Variants in TASP1 observed in about 807,000 individuals in gnomAD.
The protein encoded by TASP1 is threonine aspartase 1.
TASP1 carries 16 observed loss-of-function variants against 56.6 expected under a neutral mutation model. That is an observed-to-expected ratio of 0.28 (90% CI 0.19 to 0.43). The LOEUF is 0.43. Ranked by LOEUF, TASP1 falls within the 20% of genes least tolerant of loss-of-function variation. TASP1 has a pLI of 1.00. For synonymous variants in TASP1, 179 were observed against 184.2 expected (o/e 0.97, Z 0.23); for missense variants, 393 against 511.6 (o/e 0.77, Z 2.24).
chr20:13,361,106 A>T, the TASP1 span, among the ~76,000 whole-genome samples: 1 of 151,736 alleles, frequency 6.6e-6, no homozygotes, highest in African/African-American at 2.4e-5. Context: ...CTCAGGGATT[A>T]TTCAGGCCCC....
At chr20:13,323,011 A>G in the TASP1 span, among the ~76,000 whole-genome samples, 1 of 152,170 alleles carries the variant, frequency 6.6e-6, no homozygotes, top group Non-Finnish European at 1.5e-5. Flanking sequence ...AGAAAACGCC[A>G]CAGTCCTTCC....
chr20:13,295,863 G>A, the TASP1 span, among the ~76,000 whole-genome samples: 3 of 152,294 alleles, frequency 2.0e-5, no homozygotes, highest in East Asian at 3.9e-4. Flanking sequence ...AGATCCAAAG[G>A]TGCAACCTGG....
intron 11 of TASP1, among the ~76,000 whole-genome samples, chr20:13,472,689 G>C (rs6074611): frequency 0.44 from 65,666 of 150,600 alleles, 15,591 homozygotes; most frequent in Non-Finnish European, 0.45. Context: ...TGAACAGACA[G>C]TTTTCAAAAG....
intron 4 of TASP1, among the ~76,000 whole-genome samples, chr20:13,594,627 T>C (rs1293842540): frequency 1.3e-5 from 2 of 152,070 alleles, no homozygotes; most frequent in Non-Finnish European, 2.9e-5. Context: ...AGGATATCAG[T>C]GATTGAAGAT....
chr20:13,214,548 CACACACACACACACAGAGAG>C, the TASP1 span, among the ~76,000 whole-genome samples: 7 of 135,630 alleles, frequency 5.2e-5, no homozygotes, highest in Non-Finnish European at 7.8e-5. Flanking sequence ...CACACACACA[CACACACACACACACAGAGAG>C]AGAGAGAGAG....
the TASP1 span, among the ~76,000 whole-genome samples, chr20:13,290,102 G>A: frequency 6.6e-5 from 10 of 152,166 alleles, no homozygotes; most frequent in South Asian, 2.1e-4. Flanking sequence ...AAGAAGTGGC[G>A]GTTCTGGCTC....
the TASP1 span, among the ~76,000 whole-genome samples, chr20:13,311,246 TA>T: frequency 8.6e-3 from 913 of 106,700 alleles, 3 homozygotes; most frequent in African/African-American, 0.025. Context: ...AGATAGATGA[TA>T]GATAGATAGA....
the TASP1 span, chr20:13,110,314 C>T: frequency 7.1e-5 from 73 of 1,032,360 alleles, no homozygotes; most frequent in South Asian, 1.1e-3. Flanking sequence ...AGAGAAATGA[C>T]TTAGAATTGG....
the TASP1 span, among the ~76,000 whole-genome samples, chr20:13,139,228 T>A: frequency 6.6e-6 from 1 of 152,108 alleles, no homozygotes; most frequent in Non-Finnish European, 1.5e-5. Flanking sequence ...CACAGAAAAA[T>A]TTGGGTTTCT....
At position 13,389,739 on chromosome 20, in the gene TASP1, CATTA is replaced by C. The variant is rs766607396; in HGVS notation, c.*617_*620del. 1 of 152,736 alleles carries C rather than the reference CATTA, an allele frequency of 6.5e-6. No individual in the cohort carries two copies. The highest frequency in any genetic ancestry group is 1.5e-5 in the Non-Finnish European group (1 of 68,292). The allele number at this position is 152,736 out of a possible 1,614,324, so 9.5% of individuals were successfully genotyped here. On this transcript the variant is annotated 3_prime_UTR_variant, in exon 14 of 14. Coordinates refer to ENST00000337743, the MANE Select transcript of TASP1 (RefSeq NM_017714.3). ...AGACTATTATTTAAAAAGGTTCTGACATTAATTCTCTGCTAGATTGTTTCACTGA... is the reference window on the plus strand; with the variant it reads ...AGACTATTATTTAAAAAGGTTCTGACATTCTCTGCTAGATTGTTTCACTGA...
rs1417698359 is a variant in TASP1, at chr20:13,560,152, A to C, written c.569-1038T>G. ...AACAGCCAATTAGATCCAGCTGATAAGAGAAATTACAAACTGGAACATAAC... is the reference window on the plus strand; with the variant it reads ...AACAGCCAATTAGATCCAGCTGATACGAGAAATTACAAACTGGAACATAAC... On this transcript the variant is annotated intron_variant, in intron 7 of 13. Transcript: ENST00000337743. Among the ~76,000 whole-genome samples, 3 of 152,234 alleles carry C rather than the reference A, an allele frequency of 2.0e-5. No individual in the cohort carries two copies. In the East Asian group the frequency reaches 5.8e-4, roughly 29 times the overall value.
chr20:13,175,764 C>T, the TASP1 span, among the ~76,000 whole-genome samples: 1 of 152,186 alleles, frequency 6.6e-6, no homozygotes, highest in South Asian at 2.1e-4. Flanking sequence ...TCTGAAAGGT[C>T]ATATTCTTCC....
intron 13 of TASP1, among the ~76,000 whole-genome samples, chr20:13,395,219 T>C (rs959633062): frequency 3.9e-5 from 6 of 152,236 alleles, no homozygotes; most frequent in African/African-American, 1.2e-4. Flanking sequence ...AGTGCTGCAT[T>C]AATAACATTC....
the TASP1 span, among the ~76,000 whole-genome samples, chr20:13,178,389 C>T: frequency 6.6e-6 from 1 of 152,060 alleles, no homozygotes. Context: ...TAAAAGGAAT[C>T]CCACTACTAG....
chr20:13,516,802 T>C (rs1028663656), intron 10 of TASP1, among the ~76,000 whole-genome samples: 1 of 152,030 alleles, frequency 6.6e-6, no homozygotes, highest in Non-Finnish European at 1.5e-5. Flanking sequence ...AAAGTGCATC[T>C]TGGGGATCAC....
At chr20:13,423,248 A>T (rs2042508028) in intron 12 of TASP1, among the ~76,000 whole-genome samples, 1 of 152,184 alleles carries the variant, frequency 6.6e-6, no homozygotes, top group African/African-American at 2.4e-5. Context: ...TTTTGATCAC[A>T]AGCCACAGTA....
the TASP1 span, among the ~76,000 whole-genome samples, chr20:13,229,351 A>G: frequency 6.6e-6 from 1 of 152,198 alleles, no homozygotes; most frequent in East Asian, 1.9e-4. Flanking sequence ...TCCAGAGGCA[A>G]CCAATTTCTG....
chr20:13,427,269 T>C (rs1290708689), intron 12 of TASP1, among the ~76,000 whole-genome samples: 2 of 152,222 alleles, frequency 1.3e-5, no homozygotes, highest in Non-Finnish European at 2.9e-5. Flanking sequence ...AAGCATCAAT[T>C]CAATTTAACA....
At chr20:13,357,995 C>T in the TASP1 span, among the ~76,000 whole-genome samples, 1 of 152,280 alleles carries the variant, frequency 6.6e-6, no homozygotes, top group Non-Finnish European at 1.5e-5. Flanking sequence ...CCCTGCCGCA[C>T]CTTAACTGAT....
Sources: allele counts gnomAD v4.1 joint callset (sites outside exome capture counted in the v4.1 genomes callset), GRCh38; gene constraint gnomAD v4.1.1; transcripts MANE v1.5; gene names NCBI Gene and HGNC (gene_info 2026-07-23, HGNC 2026-07-21).